The following TNFRSF19 variants were observed in gnomAD, a reference collection of about 807,000 sequenced individuals.
The protein encoded by TNFRSF19 is tumor necrosis factor receptor superfamily member 19.
Under a neutral mutation model 46.4 loss-of-function variants are expected in TNFRSF19, and 27 were observed. That is an observed-to-expected ratio of 0.58 (90% CI 0.43 to 0.80). TNFRSF19 has a LOEUF of 0.80. Ranked by LOEUF, TNFRSF19 falls within the 30% of genes least tolerant of loss-of-function variation. TNFRSF19 has a pLI of 0.00. For synonymous variants in TNFRSF19, 204 were observed against 205.0 expected, an observed-to-expected ratio of 1.00 and a Z score of 0.04; for missense variants, 511 against 530.8, an observed-to-expected ratio of 0.96 and a Z score of 0.37.
intron 3 of TNFRSF19, among the ~76,000 whole-genome samples, chr13:23,596,607 C>G (rs1244003474): frequency 6.6e-6 from 1 of 152,044 alleles, no homozygotes; most frequent in Non-Finnish European, 1.5e-5. Context: ...AAAGCAAGTT[C>G]TTAGAGACCT....
chr13:23,603,933 G>A (rs1880339846), intron 3 of TNFRSF19, among the ~76,000 whole-genome samples: 1 of 151,846 alleles, frequency 6.6e-6, no homozygotes, highest in South Asian at 2.1e-4. Context: ...ACTAAGATCA[G>A]GAACAAGGCA....
chr13:23,669,252 T>C, intron 9 of TNFRSF19, 155 bp downstream of exon 9: 3 of 1,407,922 alleles, frequency 2.1e-6, no homozygotes, highest in Non-Finnish European at 2.8e-6. Context: ...AAAATAAATT[T>C]CAAGTATTTT....
chr13:23,664,763 G>A (rs1951591927), intron 7 of TNFRSF19, among the ~76,000 whole-genome samples: 1 of 152,206 alleles, frequency 6.6e-6, no homozygotes, highest in African/African-American at 2.4e-5. Context: ...AGCTAGATGG[G>A]ATAGCCTACT....
intron 1 of TNFRSF19, among the ~76,000 whole-genome samples, chr13:23,571,365 T>C (rs562720183): frequency 6.6e-6 from 1 of 152,326 alleles, no homozygotes. Context: ...CTTATGCAGT[T>C]TGTACACTCA....
intron 4 of TNFRSF19, among the ~76,000 whole-genome samples, chr13:23,617,204 G>A (rs1056843340): frequency 2.0e-5 from 3 of 152,166 alleles, no homozygotes; most frequent in Non-Finnish European, 2.9e-5. Flanking sequence ...AAACTGCCAG[G>A]AGGCCAAGGG....
At chr13:23,620,456 T>C (rs545650128) in intron 4 of TNFRSF19, among the ~76,000 whole-genome samples, 2 of 152,272 alleles carry the variant, frequency 1.3e-5, no homozygotes, top group Admixed American at 1.3e-4. Flanking sequence ...GTGCCCACAA[T>C]TTGAGTCATT....
chr13:23,612,194 C>T (rs1405297885), intron 3 of TNFRSF19, among the ~76,000 whole-genome samples: 1 of 152,176 alleles, frequency 6.6e-6, no homozygotes, highest in African/African-American at 2.4e-5. Flanking sequence ...TCTGTGCTAA[C>T]CAATGTCACC....
At chr13:23,594,351 T>C (rs1879540410) in intron 3 of TNFRSF19, 1 of 438,584 alleles carries the variant, frequency 2.3e-6, no homozygotes, top group Non-Finnish European at 4.6e-6. Context: ...TAAGATCCAC[T>C]GGCTTGAAAT....
rs35206545 is a variant in TNFRSF19 at position 23,650,033 on chromosome 13, T to C, written c.446-9017T>C. 8.3e-3 allele frequency among the ~76,000 whole-genome samples: 1,264 copies of C among 152,304 alleles called. 45 individuals are homozygous for C. Among genetic ancestry groups the C allele is most frequent in the Admixed American group, 0.052 (800 of 15,296 alleles). On this transcript the variant is annotated intron_variant, in intron 5 of 9. Coordinates refer to ENST00000248484, the MANE Select transcript of TNFRSF19 (RefSeq NM_148957.4). ...AGAGAATGTGTATTCTGATGTTGAGTACCTCCTGTCATTCTTAGAATAGAA... is the reference window on the plus strand; with the variant it reads ...AGAGAATGTGTATTCTGATGTTGAGCACCTCCTGTCATTCTTAGAATAGAA...
chr13:23,669,382 G>A (rs1951715714), intron 9 of TNFRSF19: 1 of 1,181,622 alleles, frequency 8.5e-7, no homozygotes, highest in Admixed American at 4.2e-5. Context: ...GGTTGAGAGA[G>A]GTGAGTCGGG....
chr13:23,624,773 G>A (rs1284929654), intron 4 of TNFRSF19, among the ~76,000 whole-genome samples: 7 of 148,066 alleles, frequency 4.7e-5, no homozygotes, highest in Non-Finnish European at 1.0e-4. Flanking sequence ...TTTTTGAGGT[G>A]GAGTTTCACT....
At chr13:23,630,817 T>C (rs1882311684) in intron 5 of TNFRSF19, among the ~76,000 whole-genome samples, 2 of 152,244 alleles carry the variant, frequency 1.3e-5, no homozygotes, top group South Asian at 4.1e-4. Context: ...GAACAAATAC[T>C]GTGGTTGGAA....
chr13:23,663,567 A>G (rs1160343635), intron 7 of TNFRSF19, among the ~76,000 whole-genome samples: 1 of 152,036 alleles, frequency 6.6e-6, no homozygotes, highest in Non-Finnish European at 1.5e-5. Flanking sequence ...TTTTTTTGGA[A>G]TAGTTTCAGT....
chr13:23,653,436 G>A (rs533006239), intron 5 of TNFRSF19, among the ~76,000 whole-genome samples: 4 of 152,324 alleles, frequency 2.6e-5, no homozygotes, highest in East Asian at 1.9e-4. Context: ...TCAGATGATC[G>A]TCAGTGCTGT....
chr13:23,592,452 G>A (rs1196895682), intron 2 of TNFRSF19, among the ~76,000 whole-genome samples: 1 of 152,146 alleles, frequency 6.6e-6, no homozygotes, highest in Non-Finnish European at 1.5e-5. Flanking sequence ...AGAACTTGTT[G>A]TTTTCAGAAA....
rs1630 is a variant in TNFRSF19, at chr13:23,675,708, T to C, written c.*2328T>C. On this transcript the variant is annotated 3_prime_UTR_variant, in exon 10 of 10. Coordinates refer to ENST00000248484, the MANE Select transcript of TNFRSF19 (RefSeq NM_148957.4). ...TAGAGTGCCGATGTCAGGAGGGCTG[T>C]GTCGGGTAATGCGTGTGGCTGAATG... is the stretch of plus-strand genomic sequence containing the variant. The C allele has an allele frequency of 0.3, 45,816 of 152,152 alleles. 7,100 individuals carry two copies. Among genetic ancestry groups the C allele is most frequent in the Non-Finnish European group, 0.33 (22,658 of 67,984 alleles). 9.4% of individuals were successfully genotyped at this position (152,152 alleles called of 1,614,324 possible).
At chr13:23,591,224 A>C (rs995661710) in intron 2 of TNFRSF19, among the ~76,000 whole-genome samples, 7 of 152,200 alleles carry the variant, frequency 4.6e-5, no homozygotes, top group African/African-American at 1.4e-4. Context: ...AGGCCGAGGC[A>C]GGTGGATCAT....
intron 4 of TNFRSF19, among the ~76,000 whole-genome samples, chr13:23,618,503 T>TGC: frequency 6.6e-6 from 1 of 152,150 alleles, no homozygotes; most frequent in East Asian, 1.9e-4. Context: ...GGTGATGACA[T>TGC]GGAGAGATTG....
At chr13:23,664,043 G>A (rs1293445721) in intron 7 of TNFRSF19, among the ~76,000 whole-genome samples, 1 of 151,996 alleles carries the variant, frequency 6.6e-6, no homozygotes, top group Non-Finnish European at 1.5e-5. Context: ...GCTGGCTTTA[G>A]GGGTGAGGTA....
Sources: gnomAD v4.1 joint callset for allele counts (sites outside exome capture counted in the v4.1 genomes callset) on GRCh38, gnomAD v4.1.1 for gene constraint, MANE v1.5 for transcripts, NCBI Gene and HGNC (gene_info 2026-07-23, HGNC 2026-07-21) for gene names.